The following NT5DC3 variants were observed in gnomAD, a reference collection of about 807,000 sequenced individuals.
NT5DC3 encodes the protein 5'-nucleotidase domain containing 3.
NT5DC3 carries 42 observed loss-of-function variants against 67.8 expected under a neutral mutation model. The ratio of observed to expected loss-of-function variants is 0.62; its 90% CI spans 0.48 to 0.80. NT5DC3 has a LOEUF of 0.80. NT5DC3 is among the 30% of genes least tolerant of loss of function. The pLI, the probability that NT5DC3 is intolerant of heterozygous loss-of-function variation, is 0.00. For missense variants in NT5DC3, 570 were observed against 696.4 expected, an observed-to-expected ratio of 0.82 and a Z score of 2.04; for synonymous variants, 237 against 255.6, an observed-to-expected ratio of 0.93 and a Z score of 0.69.
chr12:103,788,522 T>C (rs878989387), intron 10 of NT5DC3, among the ~76,000 whole-genome samples: 1 of 152,226 alleles, frequency 6.6e-6, no homozygotes, highest in East Asian at 1.9e-4. Context: ...TTTGAGTGAA[T>C]AATATGCCAT....
intron 4 of NT5DC3, among the ~76,000 whole-genome samples, chr12:103,803,721 C>A (rs1022594518): frequency 4.6e-5 from 7 of 152,084 alleles, no homozygotes; most frequent in African/African-American, 9.7e-5. Flanking sequence ...TGAGAACATG[C>A]AGTATTTGGC....
chr12:103,811,640 G>C (rs769874041), intron 2 of NT5DC3, among the ~76,000 whole-genome samples: 10 of 152,168 alleles, frequency 6.6e-5, no homozygotes, highest in Non-Finnish European at 4.4e-5. Context: ...GTCCTGCAGG[G>C]GATCCTGGAG....
chr12:103,779,221 C>T (rs1885451657), intron 13 of NT5DC3, among the ~76,000 whole-genome samples: 5 of 152,208 alleles, frequency 3.3e-5, no homozygotes, highest in Admixed American at 3.3e-4. Context: ...TCACCCCATC[C>T]AAGCCCCATA....
chr12:103,757,834 T>C, the NT5DC3 span: 1 of 301,068 alleles, frequency 3.3e-6, no homozygotes, highest in African/African-American at 2.1e-5. Flanking sequence ...TGAGCTGTTA[T>C]GAAGACTTGG....
In NT5DC3 at chr12:103,823,857, C is replaced by T. The variant is rs142490233; in HGVS notation, c.209-8736G>A. Among the ~76,000 whole-genome samples, 10 of 152,322 alleles carry T rather than the reference C, an allele frequency of 6.6e-5. No individual in the cohort carries two copies. In the East Asian group the frequency reaches 1.9e-3, roughly 29 times the overall value. On this transcript the variant is annotated intron_variant, in intron 1 of 13. Transcript: ENST00000392876. ...TATATCCAAATTTTAAACTTTTAAA[C>T]TTCACATCCCTAACTGCCAGTGAAA...
intron 9 of NT5DC3, among the ~76,000 whole-genome samples, chr12:103,790,255 C>G (rs2139330335): frequency 6.6e-6 from 1 of 152,172 alleles, no homozygotes; most frequent in South Asian, 2.1e-4. Flanking sequence ...CAAGCATGCA[C>G]TGCCATACCT....
Position 103,777,808 on chromosome 12 carries a change from G to A in NT5DC3, c.*21C>T, listed in dbSNP as rs1362697905. On this transcript the variant is annotated 3_prime_UTR_variant, in exon 14 of 14. Transcript: ENST00000392876. The stretch of plus-strand genomic sequence containing the variant: ...GCCTGCCCAATCAGGGGCAGTTACA[G>A]TTTCTAGTTTTTGCCCTTGGCTACT... The A allele has an allele frequency of 1.3e-6, 2 of 1,598,930 alleles. No individual in the cohort carries two copies. Among genetic ancestry groups the A allele is most frequent in the Non-Finnish European group, 1.7e-6 (2 of 1,173,228 alleles).
the NT5DC3 span, among the ~76,000 whole-genome samples, chr12:103,751,455 T>C: frequency 6.6e-6 from 1 of 152,164 alleles, no homozygotes; most frequent in Non-Finnish European, 1.5e-5. Flanking sequence ...ACATAAAGTT[T>C]CCATCCTGAG....
intron 9 of NT5DC3, among the ~76,000 whole-genome samples, chr12:103,790,421 G>C (rs1215060596): frequency 2.0e-5 from 3 of 151,976 alleles, no homozygotes; most frequent in Admixed American, 2.0e-4. Flanking sequence ...GATTACAGTT[G>C]CATGCCACCA....
At chr12:103,758,168 A>G in the NT5DC3 span, 4 of 1,613,976 alleles carry the variant, frequency 2.5e-6, no homozygotes, top group Non-Finnish European at 3.4e-6. Context: ...TCTTCTCCCC[A>G]GGAAGTGCTG....
intron 12 of NT5DC3, among the ~76,000 whole-genome samples, chr12:103,782,074 A>C (rs548154404): frequency 2.0e-5 from 3 of 152,350 alleles, no homozygotes; most frequent in Admixed American, 2.0e-4. Flanking sequence ...CAAAAGAAGA[A>C]TAATTTCATG....
At chr12:103,821,244 G>A (rs117214801) in intron 1 of NT5DC3, among the ~76,000 whole-genome samples, 15,451 of 152,276 alleles carry the variant, frequency 0.1, 1,122 homozygotes, top group East Asian at 0.29. Context: ...ATAGCTGTCT[G>A]TAATAAGCCA....
chr12:103,833,200 T>G (rs1888004954), intron 1 of NT5DC3, among the ~76,000 whole-genome samples: 1 of 152,186 alleles, frequency 6.6e-6, no homozygotes, highest in South Asian at 2.1e-4. Flanking sequence ...CCGTCATTCA[T>G]TTTAGAGATT....
intron 9 of NT5DC3, among the ~76,000 whole-genome samples, chr12:103,791,754 A>T (rs535623324): frequency 6.6e-6 from 1 of 152,304 alleles, no homozygotes; most frequent in Admixed American, 6.5e-5. Flanking sequence ...CCTGAGCTCC[A>T]ACTCCTGGCA....
At chr12:103,807,356 AG>A (rs1217840081) in intron 2 of NT5DC3, among the ~76,000 whole-genome samples, 1 of 152,228 alleles carries the variant, frequency 6.6e-6, no homozygotes, top group Non-Finnish European at 1.5e-5. Context: ...CTGGAAGCAC[AG>A]CTTTACCCAA....
In NT5DC3 at chr12:103,777,744, A is replaced by G; in HGVS notation, c.*85T>C. On this transcript the variant is annotated 3_prime_UTR_variant, in exon 14 of 14. Coordinates refer to ENST00000392876, the MANE Select transcript of NT5DC3 (RefSeq NM_001031701.3). ...AAAAGGCTTATCTGTATCTTTTCCA[A>G]AAGCAACACTCAGACCCACATGAAG... is the stretch of plus-strand genomic sequence containing the variant. 3.5e-6 allele frequency: 5 copies of G among 1,429,096 alleles called. No individual in the cohort carries two copies. The East Asian group carries it at 9.2e-5, about 26-fold the overall frequency. 88.5% of individuals were successfully genotyped at this position (1,429,096 alleles called of 1,614,324 possible).
chr12:103,835,440 T>C (rs148147970), intron 1 of NT5DC3, among the ~76,000 whole-genome samples: 75 of 152,234 alleles, frequency 4.9e-4, no homozygotes, highest in African/African-American at 1.7e-3. Flanking sequence ...TTAAAAAGAC[T>C]TGGATATTAT....
At chr12:103,816,441 C>G (rs1887256078) in intron 1 of NT5DC3, among the ~76,000 whole-genome samples, 2 of 152,208 alleles carry the variant, frequency 1.3e-5, no homozygotes, top group Admixed American at 6.5e-5. Context: ...CTGCAATGAG[C>G]ACCTTCATGT....
chr12:103,839,929 C>T (rs1009800463), intron 1 of NT5DC3, among the ~76,000 whole-genome samples: 1 of 152,210 alleles, frequency 6.6e-6, no homozygotes, highest in African/African-American at 2.4e-5. Flanking sequence ...TAATCTCTCC[C>T]TATCTATGTG....
Sources: allele counts gnomAD v4.1 joint callset (sites outside exome capture counted in the v4.1 genomes callset), GRCh38; gene constraint gnomAD v4.1.1; transcripts MANE v1.5; gene names NCBI Gene and HGNC (gene_info 2026-07-23, HGNC 2026-07-21).